EYS: variants seen among roughly 807,000 people sequenced by gnomAD.
The protein encoded by EYS is protein eyes shut homolog.
In EYS, 250 loss-of-function variants were observed where a neutral mutation model predicts 282.1. The ratio of observed to expected loss-of-function variants is 0.89; its 90% CI spans 0.80 to 0.98. The LOEUF (loss-of-function observed/expected upper bound fraction) is 0.98. Among genes scored for constraint, EYS ranks in the 50% least tolerant of loss-of-function variants. The pLI is 0.00. For missense variants in EYS, 4,016 were observed against 3,709.0 expected, an observed-to-expected ratio of 1.08 and a Z score of -2.15; for synonymous variants, 1,355 against 1,282.9, an observed-to-expected ratio of 1.06 and a Z score of -1.20.
At chr6:63,986,054 A>G (rs1767347564) in intron 34 of EYS, among the ~76,000 whole-genome samples, 1 of 151,888 alleles carries the variant, frequency 6.6e-6, no homozygotes, top group African/African-American at 2.4e-5. Flanking sequence ...TCTAGCATCT[A>G]TAAGGAATGT....
intron 26 of EYS, among the ~76,000 whole-genome samples, chr6:64,504,774 T>C (rs1211797488): frequency 6.6e-6 from 1 of 152,162 alleles, no homozygotes; most frequent in African/African-American, 2.4e-5. Context: ...AGAAAAGTTA[T>C]GTGCAGTTGA....
At chr6:65,694,538 C>A (rs1378680777) in intron 1 of EYS, among the ~76,000 whole-genome samples, 1 of 149,528 alleles carries the variant, frequency 6.7e-6, no homozygotes, top group East Asian at 2.3e-4. Flanking sequence ...AAGCAGAGAT[C>A]GCCCTTGTGT....
chr6:65,077,800 T>G (rs1025271500), intron 12 of EYS, among the ~76,000 whole-genome samples: 9 of 152,100 alleles, frequency 5.9e-5, no homozygotes, highest in Non-Finnish European at 1.0e-4. Context: ...GTAAGATGTC[T>G]ATCAAAGTTA....
At chr6:63,741,784 G>C in intron 41 of EYS, 1 of 602,846 alleles carries the variant, frequency 1.7e-6, no homozygotes, top group South Asian at 1.9e-5. Flanking sequence ...GAATCAAACT[G>C]TCAACATTTC....
chr6:64,296,598 A>ATTTTTTT (rs1173183488), intron 30 of EYS, among the ~76,000 whole-genome samples: 1 of 20,132 alleles, frequency 5.0e-5, no homozygotes, highest in African/African-American at 1.6e-4. Flanking sequence ...ATATATATAT[A>ATTTTTTT]TTTTTTTTTT....
intron 12 of EYS, among the ~76,000 whole-genome samples, chr6:65,106,641 C>T (rs187183287): frequency 1.3e-5 from 2 of 152,138 alleles, no homozygotes; most frequent in Middle Eastern, 3.4e-3. Flanking sequence ...CCTTATATAA[C>T]TCTGGTAACA....
chr6:64,052,643 TGTC>T, intron 33 of EYS, among the ~76,000 whole-genome samples: 1 of 152,278 alleles, frequency 6.6e-6, no homozygotes. Flanking sequence ...TTTGGCTCTG[TGTC>T]TCCACCTGAA....
At chr6:65,451,965 G>A (rs1764415509) in intron 5 of EYS, among the ~76,000 whole-genome samples, 1 of 151,588 alleles carries the variant, frequency 6.6e-6, no homozygotes, top group African/African-American at 2.4e-5. Context: ...ATGTTTTAAA[G>A]GAAAATTAAT....
intron 26 of EYS, among the ~76,000 whole-genome samples, chr6:64,546,682 A>C (rs1431824463): frequency 2.0e-5 from 3 of 152,212 alleles, no homozygotes; most frequent in Non-Finnish European, 4.4e-5. Context: ...CAACAAAAAA[A>C]CAAACAACCC....
chr6:64,979,107 A>T (rs780871107), intron 14 of EYS, among the ~76,000 whole-genome samples: 11 of 151,862 alleles, frequency 7.2e-5, no homozygotes, highest in Non-Finnish European at 1.0e-4. Flanking sequence ...ATTAAACAGC[A>T]GCGCTATAAG....
chr6:64,587,966 G>A (rs1474651239), intron 26 of EYS, among the ~76,000 whole-genome samples: 1 of 151,900 alleles, frequency 6.6e-6, no homozygotes, highest in African/African-American at 2.4e-5. Context: ...TGGAACAATT[G>A]TATCACCAAG....
chr6:64,455,176 T>C (rs1279141285), intron 26 of EYS, among the ~76,000 whole-genome samples: 1 of 152,062 alleles, frequency 6.6e-6, no homozygotes, highest in Non-Finnish European at 1.5e-5. Flanking sequence ...CCTCACAAAG[T>C]GTTACGATTA....
chr6:64,980,115 C>T (rs1770604009), intron 14 of EYS, among the ~76,000 whole-genome samples: 1 of 151,456 alleles, frequency 6.6e-6, no homozygotes, highest in Non-Finnish European at 1.5e-5. Context: ...AGACTTTCTA[C>T]TCTGAACTGG....
chr6:64,276,455 C>A (rs1202543544), intron 30 of EYS, among the ~76,000 whole-genome samples: 2 of 152,130 alleles, frequency 1.3e-5, no homozygotes, highest in African/African-American at 4.8e-5. Flanking sequence ...TAATCTAAAT[C>A]ATGTAATAAT....
chr6:64,890,927 A>AT (rs1036616454), intron 18 of EYS, among the ~76,000 whole-genome samples: 4 of 152,024 alleles, frequency 2.6e-5, no homozygotes, highest in Admixed American at 2.0e-4. Flanking sequence ...CAAGACCATT[A>AT]TTTTTTCTTA....
At chr6:64,741,502 T>C (rs1250917930) in intron 22 of EYS, among the ~76,000 whole-genome samples, 1 of 152,206 alleles carries the variant, frequency 6.6e-6, no homozygotes, top group Non-Finnish European at 1.5e-5. Flanking sequence ...AAGAGGCAAC[T>C]TGTCCTTTGA....
At chr6:64,079,621 A>C (rs950531062) in intron 32 of EYS, among the ~76,000 whole-genome samples, 3 of 151,958 alleles carry the variant, frequency 2.0e-5, no homozygotes, top group Non-Finnish European at 4.4e-5. Flanking sequence ...TGTGCACAAC[A>C]TGCAGGTTTG....
intron 19 of EYS, among the ~76,000 whole-genome samples, chr6:64,861,865 T>G (rs1766248300): frequency 6.6e-6 from 1 of 152,202 alleles, no homozygotes; most frequent in African/African-American, 2.4e-5. Flanking sequence ...CCTCTAATGC[T>G]TCTTTCTTTA....
chr6:65,650,258 A>G lies in EYS; in HGVS notation c.-447-10366T>C, dbSNP rs886872063. ...CATTAGCCCTTTGTTACATATCTAT[A>G]GGCTGAATAAGAACTCAAACACAGC... On this transcript the variant is annotated intron_variant, in intron 1 of 42. Coordinates refer to ENST00000503581, the MANE Select transcript of EYS (RefSeq NM_001142800.2). 3.9e-5 allele frequency among the ~76,000 whole-genome samples: 6 copies of G among 152,298 alleles called. No homozygotes were observed. The East Asian group carries it at 9.7e-4, about 25-fold the overall frequency.
Sources: allele counts gnomAD v4.1 joint callset (sites outside exome capture counted in the v4.1 genomes callset), GRCh38; gene constraint gnomAD v4.1.1; transcripts MANE v1.5; gene names NCBI Gene and HGNC (gene_info 2026-07-23, HGNC 2026-07-21).